The following ACBD6 variants were observed in gnomAD, a reference collection of about 807,000 sequenced individuals.
ACBD6 encodes acyl-CoA-binding domain-containing protein 6.
ACBD6 carries 28 observed loss-of-function variants against 37.2 expected under a neutral mutation model. The observed-to-expected ratio is 0.75, with a 90% confidence interval of 0.56 to 1.03. The LOEUF is 1.03. Among genes scored for constraint, ACBD6 ranks in the 50% least tolerant of loss-of-function variants. ACBD6 has a pLI of 0.00. For missense variants in ACBD6, 340 were observed against 337.4 expected (o/e 1.01, Z -0.06); for synonymous variants, 113 against 126.8 (o/e 0.89, Z 0.73).
intron 4 of ACBD6, among the ~76,000 whole-genome samples, chr1:180,425,447 A>G (rs545386983): frequency 3.3e-5 from 5 of 152,366 alleles, no homozygotes; most frequent in Admixed American, 2.0e-4. Context: ...CATAGGCAAC[A>G]TGGTGAAATA....
chr1:180,430,682 T>A (rs1648776308), intron 3 of ACBD6, among the ~76,000 whole-genome samples: 1 of 143,094 alleles, frequency 7.0e-6, no homozygotes, highest in African/African-American at 2.7e-5. Context: ...TCAAATTTAA[T>A]TATAAAGAAA....
intron 6 of ACBD6, among the ~76,000 whole-genome samples, chr1:180,349,837 T>C (rs1652337241): frequency 6.6e-6 from 1 of 152,120 alleles, no homozygotes; most frequent in Non-Finnish European, 1.5e-5. Flanking sequence ...TTCCTCTAAA[T>C]GTCACTGTAA....
downstream of ACBD6, among the ~76,000 whole-genome samples, chr1:180,284,457 G>A (rs1281790886): frequency 1.3e-5 from 2 of 151,470 alleles, no homozygotes; most frequent in Non-Finnish European, 2.9e-5. Context: ...TCTGCCTCCC[G>A]AGTTCAAGTG....
chr1:180,415,873 T>C (rs1290689816), intron 4 of ACBD6, among the ~76,000 whole-genome samples: 2 of 152,186 alleles, frequency 1.3e-5, no homozygotes, highest in African/African-American at 4.8e-5. Context: ...ACATCAAATA[T>C]ATCAACTAGT....
At chr1:180,336,649 A>G (rs1651731641) in intron 6 of ACBD6, among the ~76,000 whole-genome samples, 1 of 151,726 alleles carries the variant, frequency 6.6e-6, no homozygotes, top group African/African-American at 2.4e-5. Context: ...AGAAGGCAAG[A>G]AATAACTAAG....
chr1:180,270,135 T>G (rs1648552186), exon 14 of ACBD6: 1 of 152,222 alleles, frequency 6.6e-6, no homozygotes, highest in African/African-American at 2.4e-5. Flanking sequence ...CACTCACTCA[T>G]CAAGAACACT....
chr1:180,350,564 C>T (rs1652369932), intron 6 of ACBD6, among the ~76,000 whole-genome samples: 1 of 152,068 alleles, frequency 6.6e-6, no homozygotes, highest in Non-Finnish European at 1.5e-5. Context: ...TAAAAAATTC[C>T]TTATAGTCCT....
chr1:180,328,149 C>T (rs1370581923), intron 6 of ACBD6, among the ~76,000 whole-genome samples: 5 of 152,094 alleles, frequency 3.3e-5, no homozygotes, highest in African/African-American at 1.2e-4. Flanking sequence ...AATTGTGTAG[C>T]CCCTGGTTTT....
chr1:180,449,378 C>T (rs564149030), intron 3 of ACBD6, among the ~76,000 whole-genome samples: 58 of 151,500 alleles, frequency 3.8e-4, no homozygotes, highest in Non-Finnish European at 4.4e-4. Flanking sequence ...GGATACAAAA[C>T]GGAGCAACAT....
At chr1:180,360,349 G>A (rs1041801556) in intron 6 of ACBD6, among the ~76,000 whole-genome samples, 1 of 152,196 alleles carries the variant, frequency 6.6e-6, no homozygotes, top group Admixed American at 6.5e-5. Context: ...AGATGTTAAT[G>A]ACTTTCAGAA....
chr1:180,394,236 G>A (rs552749469), intron 6 of ACBD6, among the ~76,000 whole-genome samples: 32 of 152,072 alleles, frequency 2.1e-4, no homozygotes, highest in African/African-American at 7.7e-4. Context: ...TAGGACTACA[G>A]GCACCCACCA....
At chr1:180,443,844 C>T (rs572095064) in intron 3 of ACBD6, among the ~76,000 whole-genome samples, 80 of 149,668 alleles carry the variant, frequency 5.3e-4, no homozygotes, top group Middle Eastern at 3.4e-3. Flanking sequence ...AGGATGGTCT[C>T]GATCTCCTGA....
chr1:180,335,328 C>T (rs1303606680), intron 6 of ACBD6, among the ~76,000 whole-genome samples: 7 of 152,164 alleles, frequency 4.6e-5, no homozygotes, highest in Non-Finnish European at 8.8e-5. Context: ...AGAAACTCTA[C>T]AAGCCAGGAG....
intron 6 of ACBD6, among the ~76,000 whole-genome samples, chr1:180,366,044 G>A (rs1653043133): frequency 6.6e-6 from 1 of 152,028 alleles, no homozygotes; most frequent in South Asian, 2.1e-4. Flanking sequence ...TTCTTATAAT[G>A]TTACATTTAA....
chr1:180,337,672 G>A (rs879168236), intron 6 of ACBD6, among the ~76,000 whole-genome samples: 1 of 151,916 alleles, frequency 6.6e-6, no homozygotes, highest in South Asian at 2.1e-4. Flanking sequence ...GGCAGGAAAA[G>A]GAAATAAAGG....
intron 5 of ACBD6, among the ~76,000 whole-genome samples, chr1:180,402,815 A>T (rs1467495772): frequency 6.6e-6 from 1 of 151,414 alleles, no homozygotes; most frequent in Admixed American, 6.6e-5. Context: ...AAAAAAAAAA[A>T]TCCCTTCACA....
chr1:180,369,297 G>T (rs192050939), intron 6 of ACBD6, among the ~76,000 whole-genome samples: 13 of 152,274 alleles, frequency 8.5e-5, no homozygotes, highest in Non-Finnish European at 1.5e-4. Context: ...CTCACCTTTC[G>T]CTCACTTGCC....
chr1:180,274,773 A>G (rs965284536), exon 10 of ACBD6: 9 of 638,448 alleles, frequency 1.4e-5, no homozygotes, highest in Non-Finnish European at 2.4e-5. Context: ...GCAGTGGGAG[A>G]GCAGACTCAT....
intron 6 of ACBD6, among the ~76,000 whole-genome samples, chr1:180,381,407 A>G (rs1274428674): frequency 6.6e-6 from 1 of 152,208 alleles, no homozygotes; most frequent in Non-Finnish European, 1.5e-5. Flanking sequence ...AACAGCTACA[A>G]AATACACATT....
Sources: allele counts gnomAD v4.1 joint callset (sites outside exome capture counted in the v4.1 genomes callset), GRCh38; gene constraint gnomAD v4.1.1; transcripts MANE v1.5; gene names NCBI Gene and HGNC (gene_info 2026-07-23, HGNC 2026-07-21).